PTPN11: variants seen among roughly 807,000 people sequenced by gnomAD.
PTPN11 encodes protein tyrosine phosphatase non-receptor type 11, also known as tyrosine-protein phosphatase non-receptor type 11.
Under a neutral mutation model 78.8 loss-of-function variants are expected in PTPN11, and 6 were observed. The observed-to-expected ratio is 0.08, with a 90% CI of 0.04 to 0.15. The LOEUF is 0.15. Ranked by LOEUF, PTPN11 falls within the 10% of genes least tolerant of loss-of-function variation. The pLI is 1.00. For synonymous variants in PTPN11, 221 were observed against 263.5 expected (o/e 0.84, Z 1.56); for missense variants, 386 against 744.8 (o/e 0.52, Z 5.61).
chr12:112,497,193 T>G (rs1464621375), intron 13 of PTPN11, among the ~76,000 whole-genome samples: 3 of 147,762 alleles, frequency 2.0e-5, no homozygotes, highest in African/African-American at 7.5e-5. Context: ...AAAAAAAAAA[T>G]TCCATAATGA....
At chr12:112,429,932 C>A (rs2037684871) in intron 1 of PTPN11, among the ~76,000 whole-genome samples, 1 of 152,192 alleles carries the variant, frequency 6.6e-6, no homozygotes, top group African/African-American at 2.4e-5. Flanking sequence ...TTTCTCAAGT[C>A]TGCTTTGCAC....
At chr12:112,492,806 T>C (rs1252337981) in intron 13 of PTPN11, among the ~76,000 whole-genome samples, 1 of 152,142 alleles carries the variant, frequency 6.6e-6, no homozygotes, top group Non-Finnish European at 1.5e-5. Context: ...TGTGAGTCAC[T>C]GCGCCCGGCT....
intron 9 of PTPN11, among the ~76,000 whole-genome samples, chr12:112,480,727 C>G (rs576190374): frequency 1.3e-5 from 2 of 152,148 alleles, no homozygotes; most frequent in Admixed American, 1.3e-4. Context: ...TAATCATTGA[C>G]TCATTGACTC....
chr12:112,453,849 C>T (rs981074361), intron 4 of PTPN11, among the ~76,000 whole-genome samples: 11 of 151,622 alleles, frequency 7.3e-5, no homozygotes, highest in East Asian at 5.8e-4. Context: ...GGTGTTTTGC[C>T]GCATTGCCCA....
At chr12:112,440,041 A>G (rs558834891) in intron 1 of PTPN11, among the ~76,000 whole-genome samples, 1 of 152,178 alleles carries the variant, frequency 6.6e-6, no homozygotes, top group Admixed American at 6.6e-5. Context: ...GAGTTTCATT[A>G]TACCTTTTTG....
At chr12:112,481,632 A>G (rs547145414) in intron 9 of PTPN11, among the ~76,000 whole-genome samples, 3 of 152,202 alleles carry the variant, frequency 2.0e-5, no homozygotes, top group Non-Finnish European at 4.4e-5. Flanking sequence ...AGCTGGGATT[A>G]CAGGTGCCTG....
chr12:112,419,012 G>C lies in PTPN11; in HGVS notation c.-100G>C. On this transcript the variant is annotated 5_prime_UTR_variant, in exon 1 of 16. Transcript: ENST00000351677. ...GGCCGGCTGGCTCTGCCCCGCGTCCGGTCCCGAGCGGGCCTCCCTCGGGCC... is the reference window on the plus strand; with the variant it reads ...GGCCGGCTGGCTCTGCCCCGCGTCCCGTCCCGAGCGGGCCTCCCTCGGGCC... 6.8e-7 allele frequency: 1 copy of C among 1,469,884 alleles called. No individual in the cohort carries two copies. The highest frequency in any genetic ancestry group is 9.2e-7 in the Non-Finnish European group (1 of 1,090,974). The allele number at this position is 1,469,884 out of a possible 1,614,324, so 91.1% of individuals were successfully genotyped here. A position where few individuals can be genotyped will look rare whatever the true frequency, so the allele number is the denominator to read the frequency against.
intron 3 of PTPN11, among the ~76,000 whole-genome samples, chr12:112,452,569 C>T (rs538474005): frequency 6.6e-6 from 1 of 151,810 alleles, no homozygotes; most frequent in African/African-American, 2.4e-5. Flanking sequence ...GCTCTGTCAC[C>T]CAAGCTGGAG....
intron 1 of PTPN11, among the ~76,000 whole-genome samples, chr12:112,429,195 A>G (rs997167788): frequency 1.3e-5 from 2 of 151,898 alleles, no homozygotes; most frequent in African/African-American, 4.8e-5. Flanking sequence ...ATCCTGCATA[A>G]CCTCCACCAA....
intron 1 of PTPN11, among the ~76,000 whole-genome samples, chr12:112,436,221 T>G (rs1394702215): frequency 6.6e-6 from 1 of 152,220 alleles, no homozygotes; most frequent in African/African-American, 2.4e-5. Context: ...AATTGCATAT[T>G]AATGAAACAT....
chr12:112,446,393 C>T lies in PTPN11; in HGVS notation c.132C>T (p.Ser44=), dbSNP rs397507502. 5.8e-5 allele frequency: 94 copies of T among 1,613,878 alleles called. No homozygotes were observed. Among genetic ancestry groups the T allele is most frequent in the South Asian group, 5.2e-4 (47 of 91,064 alleles). Residue 44 remains serine (S), a synonymous_variant, in exon 2 of 16, where the codon TCC becomes TCT. Coordinates refer to ENST00000351677, the MANE Select transcript of PTPN11 (RefSeq NM_002834.5). ...GTAACCCTGGAGACTTCACACTTTC[C>T]GTTAGGTAAGTTGGAATGAAAAGAG... is the stretch of plus-strand genomic sequence containing the variant. The part of the protein sequence containing the change: ...SKSNPGDFTL[S]VRRNGAVTHI...
At chr12:112,425,980 A>G (rs556468999) in intron 1 of PTPN11, among the ~76,000 whole-genome samples, 1 of 152,296 alleles carries the variant, frequency 6.6e-6, no homozygotes, top group African/African-American at 2.4e-5. Flanking sequence ...CACATGGGCC[A>G]CTGCCCCCAG....
intron 4 of PTPN11, among the ~76,000 whole-genome samples, chr12:112,454,065 T>C (rs2038118106): frequency 6.6e-6 from 1 of 152,082 alleles, no homozygotes; most frequent in Admixed American, 6.6e-5. Context: ...ATTATACTTA[T>C]CATACTTGAG....
intron 1 of PTPN11, among the ~76,000 whole-genome samples, chr12:112,442,830 T>TATATATA (rs2037917251): frequency 1.1e-4 from 5 of 43,534 alleles, no homozygotes; most frequent in African/African-American, 3.6e-4. Flanking sequence ...CTCTCTCTTT[T>TATATATA]TATATATATA....
At chr12:112,440,666 C>A (rs1416345910) in intron 1 of PTPN11, among the ~76,000 whole-genome samples, 1 of 146,296 alleles carries the variant, frequency 6.8e-6, no homozygotes, top group Admixed American at 6.9e-5. Flanking sequence ...CTCCGCCTCC[C>A]GGGTTCAAGT....
At chr12:112,450,651 T>A in intron 3 of PTPN11, 139 bp downstream of exon 3, 1 of 860,888 alleles carries the variant, frequency 1.2e-6, no homozygotes, top group Non-Finnish European at 1.9e-6. Context: ...AAAGAATTAC[T>A]AAAGTGAGAC....
At chr12:112,498,443 G>A (rs979676240) in intron 13 of PTPN11, among the ~76,000 whole-genome samples, 1 of 152,166 alleles carries the variant, frequency 6.6e-6, no homozygotes, top group African/African-American at 2.4e-5. Flanking sequence ...CTGTAACCAA[G>A]GCAAGTGTTT....
At chr12:112,499,939 C>T (rs2038855840) in intron 13 of PTPN11, among the ~76,000 whole-genome samples, 2 of 117,342 alleles carry the variant, frequency 1.7e-5, no homozygotes, top group Non-Finnish European at 3.5e-5. Context: ...GAGACCCTGT[C>T]TCTTAAAAAA....
At chr12:112,455,872 T>A in intron 5 of PTPN11, 78 bp from the exon 6 acceptor site, 1 of 149,184 alleles carries the variant, frequency 6.7e-6, no homozygotes, top group Non-Finnish European at 1.3e-5. Flanking sequence ...CATAGACATG[T>A]TTTTTTTTTT....
Sources: allele counts gnomAD v4.1 joint callset (sites outside exome capture counted in the v4.1 genomes callset), GRCh38; gene constraint gnomAD v4.1.1; transcripts MANE v1.5; gene names NCBI Gene and HGNC (gene_info 2026-07-23, HGNC 2026-07-21).